Variants in TOPAZ1 observed in about 807,000 individuals in gnomAD.
The protein encoded by TOPAZ1 is protein TOPAZ1.
Under a neutral mutation model 172.2 loss-of-function variants are expected in TOPAZ1, and 66 were observed. The ratio of observed to expected loss-of-function variants is 0.38; its 90% CI spans 0.31 to 0.47. TOPAZ1 has a LOEUF of 0.47. Among genes scored for constraint, TOPAZ1 ranks in the 20% least tolerant of loss-of-function variants. TOPAZ1 has a pLI of 0.99. For synonymous variants in TOPAZ1, 681 were observed against 683.9 expected, an observed-to-expected ratio of 1.00 and a Z score of 0.07; for missense variants, 1,822 against 1,972.4, an observed-to-expected ratio of 0.92 and a Z score of 1.44.
intron 17 of TOPAZ1, 24 bp downstream of exon 17, chr3:44,321,215 T>C (rs1338448165): frequency 6.6e-7 from 1 of 1,507,460 alleles, no homozygotes; most frequent in Non-Finnish European, 8.9e-7. Flanking sequence ...AAGTCTATCT[T>C]AATTATCTCT....
Position 44,331,918 on chromosome 3 carries a change from A to G in TOPAZ1, c.4986A>G (p.Glu1662=). ...VKHMTVNVNK[E]QVYSLEHCSA... is the part of the protein sequence containing the mutation. ...ACATGACTGTCAATGTTAATAAGGA[A>G]CAGGTTTATAGTTTGGAACATTGTT... The change falls in exon 20 of 20, where the codon GAA becomes GAG. Residue 1662 remains glutamate (E), a synonymous_variant. Transcript: ENST00000309765. 1 of 1,551,688 alleles carries G rather than the reference A, an allele frequency of 6.4e-7. No homozygotes were observed. Among genetic ancestry groups the G allele is most frequent in the Non-Finnish European group, 8.7e-7 (1 of 1,146,980 alleles).
chr3:44,289,927 A>T (rs1036159056), intron 11 of TOPAZ1, among the ~76,000 whole-genome samples: 3 of 152,234 alleles, frequency 2.0e-5, no homozygotes, highest in Non-Finnish European at 4.4e-5. Context: ...TAAAATTCTC[A>T]GCAAAAATAT....
rs546337498 is a variant in TOPAZ1, at chr3:44,272,726, A to T, written c.3372+1916A>T. Among the ~76,000 whole-genome samples the T allele has an allele frequency of 1.5e-4, 23 of 152,086 alleles. No individual in the cohort carries two copies. The East Asian group carries it at 4.5e-3, about 29-fold the overall frequency. The stretch of plus-strand genomic sequence containing the variant: ...CAGGCCTGTGCCACCAAGCCCGGCT[A>T]ATTTTTGTATTTTTAGTAGAGACAC... On this transcript the variant is annotated intron_variant, in intron 8 of 19. Coordinates refer to ENST00000309765, the MANE Select transcript of TOPAZ1 (RefSeq NM_001145030.2).
intron 2 of TOPAZ1, among the ~76,000 whole-genome samples, chr3:44,253,087 C>CA (rs1384478505): frequency 6.6e-6 from 1 of 152,108 alleles, no homozygotes; most frequent in African/African-American, 2.4e-5. Flanking sequence ...AATGAAGCTA[C>CA]AGAATGTGCA....
intron 9 of TOPAZ1, among the ~76,000 whole-genome samples, chr3:44,284,980 A>G (rs1464437079): frequency 1.3e-5 from 2 of 152,236 alleles, no homozygotes; most frequent in African/African-American, 2.4e-5. Flanking sequence ...AAGAATAATG[A>G]GTCCAATCAG....
intron 8 of TOPAZ1, among the ~76,000 whole-genome samples, chr3:44,274,844 C>T (rs1017056885): frequency 1.3e-5 from 2 of 150,802 alleles, no homozygotes; most frequent in Non-Finnish European, 2.9e-5. Flanking sequence ...CCATTGCACC[C>T]GGCCGCCTTT....
Position 44,244,160 on chromosome 3 carries a change from T to C in TOPAZ1, c.1654T>C (p.Leu552=). The C allele has an allele frequency of 6.4e-7, 1 of 1,551,460 alleles. No individual in the cohort carries two copies. The highest frequency in any genetic ancestry group is 1.4e-5 in the African/African-American group (1 of 73,168). Residue 552 remains leucine (L), a synonymous_variant, in exon 2 of 20, where the codon TTA becomes CTA. Coordinates refer to ENST00000309765, the MANE Select transcript of TOPAZ1 (RefSeq NM_001145030.2). ...CTCCAAATTATTATTACAAAGTTCC[T>C]TAACAGAAACAAACACTGAATCTTC... ...TDSKLLLQSS[L]TETNTESSSK...
chr3:44,306,427 G>T lies in TOPAZ1; in HGVS notation c.4140+1G>T, dbSNP rs1361531763. 3.3e-6 allele frequency: 5 copies of T among 1,517,728 alleles called. No homozygotes were observed. Among genetic ancestry groups the T allele is most frequent in the South Asian group, 1.3e-5 (1 of 79,970 alleles). 94.0% of individuals were successfully genotyped at this position (1,517,728 alleles called of 1,614,324 possible). ...TCACAAGCTGTTGCAGTGGTCCAAG[G>T]TACTTCATTAAGTTTTTGTCTTGGC... On this transcript the variant is annotated splice_donor_variant, in intron 15 of 19. Transcript: ENST00000309765. LOFTEE classifies it high-confidence loss of function.
rs139096383 is a variant in TOPAZ1 at position 44,286,712 on chromosome 3, G to A, written c.3437-677G>A. Among the ~76,000 whole-genome samples, 314 of 151,962 alleles carry A rather than the reference G, an allele frequency of 2.1e-3. 1 individual carries two copies. The highest frequency in any genetic ancestry group is 6.4e-3 in the African/African-American group (266 of 41,430). ...GTTAAGGTATACAGATTTTAACCTG[G>A]GAAATTTTGGAATGAAGAAAAAAAT... is the stretch of plus-strand genomic sequence containing the variant. On this transcript the variant is annotated intron_variant, in intron 9 of 19. Coordinates refer to ENST00000309765, the MANE Select transcript of TOPAZ1 (RefSeq NM_001145030.2).
intron 18 of TOPAZ1, among the ~76,000 whole-genome samples, chr3:44,327,155 G>A (rs896885491): frequency 2.0e-5 from 3 of 152,100 alleles, no homozygotes; most frequent in African/African-American, 4.8e-5. Context: ...AATTTCAAAG[G>A]TAGCATTTTG....
chr3:44,266,863 G>C, intron 5 of TOPAZ1, 134 bp from the exon 6 acceptor site: 2 of 586,254 alleles, frequency 3.4e-6, no homozygotes, highest in South Asian at 3.9e-5. Context: ...ACTCAGGGTT[G>C]CCACAGTGCT....
intron 8 of TOPAZ1, among the ~76,000 whole-genome samples, chr3:44,272,521 T>G (rs1294356437): frequency 6.6e-6 from 1 of 152,224 alleles, no homozygotes; most frequent in African/African-American, 2.4e-5. Flanking sequence ...TTTCGTACAT[T>G]TGCCATTTAT....
intron 4 of TOPAZ1, among the ~76,000 whole-genome samples, 167 bp downstream of exon 4, chr3:44,256,445 T>G (rs953392294): frequency 1.3e-5 from 2 of 152,212 alleles, no homozygotes; most frequent in African/African-American, 4.8e-5. Context: ...GGTGTAAGCA[T>G]AGTATAAAAA....
Position 44,244,441 on chromosome 3 carries a change from C to A in TOPAZ1, c.1935C>A (p.Ser645=), listed in dbSNP as rs118071995. The A allele has an allele frequency of 8.3e-4, 1,284 of 1,551,532 alleles. 22 individuals are homozygous for A. In the East Asian group the frequency reaches 0.029, roughly 35 times the overall value. The change falls in exon 2 of 20, where the codon TCC becomes TCA. Residue 645 remains serine (S), a synonymous_variant. Coordinates refer to ENST00000309765, the MANE Select transcript of TOPAZ1 (RefSeq NM_001145030.2). ...CGAAACTTAATTTGACAGCGACTTCCAAAGATGGTCAGGAAGCAAATAACT... is the reference window on the plus strand; with the variant it reads ...CGAAACTTAATTTGACAGCGACTTCAAAAGATGGTCAGGAAGCAAATAACT... ...NLTKLNLTAT[S]KDGQEANNSA...
At position 44,304,196 on chromosome 3, in the gene TOPAZ1, A is replaced by G. The variant is rs186846562; in HGVS notation, c.3864+115A>G. ...AAAGTTTTAGAAATGTGGCTGTTAT[A>G]CAGAGAAAATGCTCAAGGAAAGGAA... On this transcript the variant is annotated intron_variant, in intron 13 of 19. Transcript: ENST00000309765. 1,182 of 562,222 alleles carry G rather than the reference A, an allele frequency of 2.1e-3. 2 individuals carry two copies. Among genetic ancestry groups the G allele is most frequent in the Admixed American group, 4.4e-3 (118 of 26,938 alleles). The allele number at this position is 562,222 out of a possible 1,614,324, so 34.8% of individuals were successfully genotyped here. A position where few individuals can be genotyped will look rare whatever the true frequency, so the allele number is the denominator to read the frequency against.
At chr3:44,295,177 C>G in intron 12 of TOPAZ1, among the ~76,000 whole-genome samples, 1 of 152,116 alleles carries the variant, frequency 6.6e-6, no homozygotes, top group East Asian at 1.9e-4. Context: ...AATGCACTTA[C>G]CTTTTGACTC....
rs759211253 is a variant in TOPAZ1 at position 44,244,708 on chromosome 3, T to C, written c.2202T>C (p.Asn734=). The change falls in exon 2 of 20, where the codon AAT becomes AAC. Residue 734 remains asparagine, a synonymous_variant. Transcript: ENST00000309765. The stretch of plus-strand genomic sequence containing the variant: ...TAAGACAGAACAGGAGTAAAGAAAA[T>C]GTCTCCATGATGATGTTAGGACCTC... ...ADVRQNRSKE[N]VSMMMLGPQT... 1.3e-6 allele frequency: 2 copies of C among 1,551,402 alleles called. No individual in the cohort carries two copies. The highest frequency in any genetic ancestry group is 2.4e-5 in the South Asian group (2 of 84,026).
intron 16 of TOPAZ1, among the ~76,000 whole-genome samples, chr3:44,312,022 C>T (rs1163508692): frequency 6.6e-6 from 1 of 151,874 alleles, no homozygotes; most frequent in Non-Finnish European, 1.5e-5. Context: ...ATTTGTACTG[C>T]ACACACATTT....
chr3:44,260,152 C>T lies in TOPAZ1; in HGVS notation c.2956-2267C>T, dbSNP rs546622986. 1.2e-4 allele frequency among the ~76,000 whole-genome samples: 19 copies of T among 152,278 alleles called. No individual in the cohort carries two copies. In the South Asian group the frequency reaches 3.1e-3, roughly 25 times the overall value. On this transcript the variant is annotated intron_variant, in intron 4 of 19. Coordinates refer to ENST00000309765, the MANE Select transcript of TOPAZ1 (RefSeq NM_001145030.2). Reference sequence around the variant, plus strand: ...GTAAGTTTCCTGAGGCCTCCCCAGCCGTGCTGAACTGCGAGTCAATTAAAC... The same window carrying T: ...GTAAGTTTCCTGAGGCCTCCCCAGCTGTGCTGAACTGCGAGTCAATTAAAC...
Sources: allele counts gnomAD v4.1 joint callset (sites outside exome capture counted in the v4.1 genomes callset), GRCh38; gene constraint gnomAD v4.1.1; transcripts MANE v1.5; gene names NCBI Gene and HGNC (gene_info 2026-07-23, HGNC 2026-07-21).